The following GPR176 variants were observed in gnomAD, a reference collection of about 807,000 sequenced individuals.
The protein encoded by GPR176 is G-protein coupled receptor 176.
In GPR176, 26 loss-of-function variants were observed where a neutral mutation model predicts 35.4. The observed-to-expected ratio is 0.74, with a 90% CI of 0.54 to 1.02. The LOEUF (loss-of-function observed/expected upper bound fraction) is 1.02, where lower values mean the gene tolerates loss of function less well. GPR176 is among the 50% of genes least tolerant of loss of function. GPR176 has a pLI of 0.00. For missense variants in GPR176, 597 were observed against 665.3 expected (o/e 0.90, Z 1.13); for synonymous variants, 278 against 271.3 (o/e 1.02, Z -0.24).
chr15:39,847,137 G>T (rs1036308672), intron 1 of GPR176, among the ~76,000 whole-genome samples: 1 of 152,064 alleles, frequency 6.6e-6, no homozygotes, highest in African/African-American at 2.4e-5. Flanking sequence ...AAGCAATATA[G>T]GAGGTTCATT....
intron 1 of GPR176, among the ~76,000 whole-genome samples, chr15:39,850,499 T>C (rs1193079305): frequency 1.3e-5 from 2 of 152,188 alleles, no homozygotes; most frequent in African/African-American, 4.8e-5. Flanking sequence ...TATAACATTC[T>C]TGCAAAGACA....
chr15:39,841,669 C>T (rs1411187061), intron 1 of GPR176, among the ~76,000 whole-genome samples: 1 of 152,120 alleles, frequency 6.6e-6, no homozygotes, highest in African/African-American at 2.4e-5. Context: ...GTCCTGCCAA[C>T]ATTGATTTCA....
intron 1 of GPR176, among the ~76,000 whole-genome samples, chr15:39,891,775 A>G (rs1345427908): frequency 1.3e-5 from 2 of 152,130 alleles, no homozygotes; most frequent in African/African-American, 2.4e-5. Flanking sequence ...GGAGTTGGAG[A>G]CTGTAGTGAG....
At chr15:39,890,210 C>T (rs1207823490) in intron 1 of GPR176, among the ~76,000 whole-genome samples, 1 of 152,178 alleles carries the variant, frequency 6.6e-6, no homozygotes, top group Non-Finnish European at 1.5e-5. Context: ...GCCCTTAAGA[C>T]TTACAATGTC....
intron 1 of GPR176, among the ~76,000 whole-genome samples, chr15:39,833,122 C>T (rs952384709): frequency 1.3e-5 from 2 of 152,024 alleles, no homozygotes; most frequent in Non-Finnish European, 2.9e-5. Context: ...TCTGCTGCCT[C>T]CCACACATAC....
intron 1 of GPR176, among the ~76,000 whole-genome samples, chr15:39,893,980 C>T (rs1334290989): frequency 1.0e-5 from 1 of 100,020 alleles, no homozygotes; most frequent in African/African-American, 4.1e-5. Flanking sequence ...ACCTCCCTCC[C>T]GGATGGGGCG....
intron 1 of GPR176, chr15:39,910,005 G>T: frequency 3.2e-6 from 1 of 312,548 alleles, no homozygotes; most frequent in Non-Finnish European, 4.7e-6. Context: ...TCTGTTGTCT[G>T]CAACTAAGAA....
intron 1 of GPR176, among the ~76,000 whole-genome samples, chr15:39,889,295 C>A (rs1453775050): frequency 6.6e-6 from 1 of 152,110 alleles, no homozygotes; most frequent in African/African-American, 2.4e-5. Flanking sequence ...CGCCTGTAAT[C>A]CCAACACTTT....
At chr15:39,860,518 G>A (rs867855819) in intron 1 of GPR176, among the ~76,000 whole-genome samples, 15 of 152,292 alleles carry the variant, frequency 9.8e-5, no homozygotes, top group Non-Finnish European at 1.6e-4. Flanking sequence ...TTTTCCTCCA[G>A]CTTCTACTCC....
chr15:39,857,933 T>C (rs1180881504), intron 1 of GPR176, among the ~76,000 whole-genome samples: 6 of 141,986 alleles, frequency 4.2e-5, no homozygotes, highest in Admixed American at 1.5e-4. Flanking sequence ...ATGGCGCCAC[T>C]GCACTCCAGC....
intron 1 of GPR176, among the ~76,000 whole-genome samples, chr15:39,893,097 T>C (rs577675149): frequency 8.2e-5 from 9 of 109,346 alleles, no homozygotes; most frequent in Non-Finnish European, 1.7e-4. Context: ...CTAACTCTCT[T>C]TTTTTTTTAA....
intron 1 of GPR176, among the ~76,000 whole-genome samples, chr15:39,819,792 G>T (rs553974414): frequency 6.6e-6 from 1 of 152,174 alleles, no homozygotes; most frequent in Non-Finnish European, 1.5e-5. Context: ...CCAAGGGTAC[G>T]ATAATTAGAG....
At chr15:39,821,997 T>C (rs1412125162) in intron 1 of GPR176, among the ~76,000 whole-genome samples, 3 of 152,240 alleles carry the variant, frequency 2.0e-5, no homozygotes, top group African/African-American at 7.2e-5. Context: ...TCCTCATCTC[T>C]TTTGAATCAC....
At chr15:39,844,739 G>C (rs2030297121) in intron 1 of GPR176, among the ~76,000 whole-genome samples, 2 of 152,148 alleles carry the variant, frequency 1.3e-5, no homozygotes, top group South Asian at 4.2e-4. Context: ...AGGCTTTGAA[G>C]AATCAAACCT....
chr15:39,869,272 G>A (rs370813429), intron 1 of GPR176, among the ~76,000 whole-genome samples: 3 of 152,086 alleles, frequency 2.0e-5, no homozygotes, highest in East Asian at 1.9e-4. Flanking sequence ...ACTTAGGTTA[G>A]GTGAAATAAA....
chr15:39,813,847 A>C (rs1475990117), intron 1 of GPR176, among the ~76,000 whole-genome samples: 1 of 151,494 alleles, frequency 6.6e-6, no homozygotes, highest in Non-Finnish European at 1.5e-5. Flanking sequence ...CAACATCCTT[A>C]TATATATATA....
chr15:39,889,174 A>G (rs929410597), intron 1 of GPR176, among the ~76,000 whole-genome samples: 11 of 152,222 alleles, frequency 7.2e-5, no homozygotes, highest in African/African-American at 2.7e-4. Flanking sequence ...TTCAGAGAGC[A>G]ATTCTACCTC....
intron 1 of GPR176, among the ~76,000 whole-genome samples, chr15:39,824,880 A>AT (rs997320662): frequency 7.9e-5 from 12 of 151,734 alleles, no homozygotes; most frequent in South Asian, 6.3e-4. Context: ...TTTCTTCCTG[A>AT]TTTTTTTTTA....
chr15:39,874,340 T>A lies in GPR176; in HGVS notation c.172+45515A>T, dbSNP rs537196249. ...GATGATCTGCTGATGGGAACAGTCA[T>A]AAAGCCTGTGATACCATCCATTTTC... On this transcript the variant is annotated intron_variant, in intron 1 of 2. Coordinates refer to ENST00000561100, the MANE Select transcript of GPR176 (RefSeq NM_007223.3). Among the ~76,000 whole-genome samples, 9 of 152,362 alleles carry A rather than the reference T, an allele frequency of 5.9e-5. No homozygotes were observed. In the South Asian group the frequency reaches 1.9e-3, roughly 32 times the overall value.
Sources: allele counts gnomAD v4.1 joint callset (sites outside exome capture counted in the v4.1 genomes callset), GRCh38; gene constraint gnomAD v4.1.1; transcripts MANE v1.5; gene names NCBI Gene and HGNC (gene_info 2026-07-23, HGNC 2026-07-21).